GPR162: variants seen among roughly 807,000 people sequenced by gnomAD.
GPR162 encodes G protein-coupled receptor 162.
A neutral mutation model predicts 44.9 loss-of-function variants in GPR162; 26 were observed. That is an observed-to-expected ratio of 0.58 (90% CI 0.42 to 0.80). The LOEUF is 0.80. Ranked by LOEUF, GPR162 falls within the 30% of genes least tolerant of loss-of-function variation. The pLI, the probability that GPR162 is intolerant of heterozygous loss-of-function variation, is 0.00. For synonymous variants in GPR162, 363 were observed against 335.2 expected (o/e 1.08, Z -0.91); for missense variants, 704 against 802.3 (o/e 0.88, Z 1.48).
At position 6,824,657 on chromosome 12, in the gene GPR162, G is replaced by T. The variant is rs782347688; in HGVS notation, c.759G>T (p.Arg253=). 1 of 1,613,904 alleles carries T rather than the reference G, an allele frequency of 6.2e-7. No individual in the cohort carries two copies. Among genetic ancestry groups the T allele is most frequent in the Non-Finnish European group, 8.5e-7 (1 of 1,179,950 alleles). ...TGGTGGAGGATGCCCGAGGGAAGCG[G>T]CGGTCCTCGCTGGATGGCTCGGAGT... is the stretch of plus-strand genomic sequence containing the variant. ...AIVVEDARGK[R]RSSLDGSESA... Residue 253 remains arginine, a synonymous_variant, in exon 2 of 5, where the codon CGG becomes CGT. Transcript: ENST00000311268.
Position 6,823,519 on chromosome 12 carries a change from T to A in GPR162, c.-380T>A. The A allele has an allele frequency of 2.0e-6, 1 of 491,760 alleles. No homozygotes were observed. Among genetic ancestry groups the A allele is most frequent in the Non-Finnish European group, 3.6e-6 (1 of 276,716 alleles). The allele number at this position is 491,760 out of a possible 1,614,324, so 30.5% of individuals were successfully genotyped here. On this transcript the variant is annotated 5_prime_UTR_variant, in exon 2 of 5. Coordinates refer to ENST00000311268, the MANE Select transcript of GPR162 (RefSeq NM_019858.2). ...CCAAATCCCTGGGGCATCCAGAAGA[T>A]TCCTGACTGGTCAAGAACCAGAGGC...
chr12:6,825,884 C>T (rs1943347540), intron 3 of GPR162, among the ~76,000 whole-genome samples: 1 of 152,156 alleles, frequency 6.6e-6, no homozygotes, highest in Non-Finnish European at 1.5e-5. Flanking sequence ...GGCCTAGGCT[C>T]CCCTCCAGAA....
rs1555119561 is a variant in GPR162, at chr12:6,823,918, G to C, written c.20G>C (p.Gly7Ala). The C allele has an allele frequency of 1.3e-6, 2 of 1,560,638 alleles. No homozygotes were observed. Among genetic ancestry groups the C allele is most frequent in the East Asian group, 4.6e-5 (2 of 43,220 alleles). The change falls in exon 2 of 5, where the codon GGG (glycine) becomes GCG (alanine). Residue 7 changes from glycine (G) to alanine (A), a missense_variant. Physicochemically the swap from Gly to Ala is moderately conservative, Grantham distance 60. Coordinates refer to ENST00000311268, the MANE Select transcript of GPR162 (RefSeq NM_019858.2). MARGGA[G>A]AEEASLRSNA... ...GATAGGATGGCTCGGGGCGGGGCGG[G>C]GGCAGAGGAGGCCTCCCTGCGCTCC...
chr12:6,825,620 G>A lies in GPR162; in HGVS notation c.1004G>A (p.Arg335His), dbSNP rs782162794. The change falls in exon 3 of 5, where the codon CGC becomes CAC. Residue 335 changes from arginine (R) to histidine (H), a missense_variant. Physicochemically the swap from Arg to His is conservative, Grantham distance 29. Coordinates refer to ENST00000311268, the MANE Select transcript of GPR162 (RefSeq NM_019858.2). ...WSCERYRADV[R>H]TVWEQCVAIM... The stretch of plus-strand genomic sequence containing the variant: ...TGCGAGCGCTACCGCGCCGACGTGC[G>A]CACAGTGTGGGAGCAATGCGTGGCC... 10 of 1,590,008 alleles carry A rather than the reference G, an allele frequency of 6.3e-6. No homozygotes were observed. Among genetic ancestry groups the A allele is most frequent in the South Asian group, 3.4e-5 (3 of 87,492 alleles).
At chr12:6,825,794 A>T (rs1943346435) in intron 3 of GPR162, 121 bp downstream of exon 3, 1 of 818,506 alleles carries the variant, frequency 1.2e-6, no homozygotes, top group Non-Finnish European at 1.9e-6. Context: ...AATCTGCACC[A>T]CCCTGGGCTC....
chr12:6,827,195 G>A lies in GPR162; in HGVS notation c.1758G>A (p.Leu586=), dbSNP rs782682346. Residue 586 remains leucine (L), a synonymous_variant, in exon 5 of 5, where the codon CTG becomes CTA. Coordinates refer to ENST00000311268, the MANE Select transcript of GPR162 (RefSeq NM_019858.2). ...CAGGCAACCCCATCTTTCCCCAGCT[G>A]ACCCTGTGAGCCCAAGCAGGCCTGC... The part of the protein sequence containing the change: ...WGPGNPIFPQ[L]TL 2 of 1,605,696 alleles carry A rather than the reference G, an allele frequency of 1.2e-6. No individual in the cohort carries two copies. Among genetic ancestry groups the A allele is most frequent in the East Asian group, 2.2e-5 (1 of 44,766 alleles).
At chr12:6,824,927 C>A (rs1555119778) in intron 2 of GPR162, 162 bp downstream of exon 2, 1 of 721,534 alleles carries the variant, frequency 1.4e-6, no homozygotes, top group East Asian at 2.7e-5. Context: ...ATTTGTGGCC[C>A]CCATCTTGAT....
Position 6,824,376 on chromosome 12 carries a change from G to T in GPR162, c.478G>T (p.Gly160Cys). 6.2e-7 allele frequency: 1 copy of T among 1,614,190 alleles called. No homozygotes were observed. The highest frequency in any genetic ancestry group is 8.5e-7 in the Non-Finnish European group (1 of 1,180,044). The change falls in exon 2 of 5, where the codon GGC becomes TGC. Residue 160 changes from glycine to cysteine, a missense_variant. Coordinates refer to ENST00000311268, the MANE Select transcript of GPR162 (RefSeq NM_019858.2). Reference protein sequence around the residue: ...TLPSIGWHNNGERYYARGCQF... With the variant: ...TLPSIGWHNNCERYYARGCQF... ...GCCCTCCATTGGCTGGCACAACAAC[G>T]GCGAGCGCTACTATGCCCGCGGCTG...
Position 6,824,432 on chromosome 12 carries a change from C to T in GPR162, c.534C>T (p.Gly178=). 2 of 1,614,200 alleles carry T rather than the reference C, an allele frequency of 1.2e-6. No homozygotes were observed. Among genetic ancestry groups the T allele is most frequent in the South Asian group, 1.1e-5 (1 of 91,086 alleles). The part of the protein sequence containing the change: ...CQFIVSKIGL[G]FGVCFSLLLL... Reference sequence around the variant, plus strand: ...TCATAGTCTCCAAGATCGGCCTCGGCTTTGGCGTTTGCTTCAGCCTCTTGC... The same window carrying T: ...TCATAGTCTCCAAGATCGGCCTCGGTTTTGGCGTTTGCTTCAGCCTCTTGC... Residue 178 remains glycine, a synonymous_variant, in exon 2 of 5, where the codon GGC becomes GGT. Coordinates refer to ENST00000311268, the MANE Select transcript of GPR162 (RefSeq NM_019858.2).
rs782747091 is a variant in GPR162, at chr12:6,827,050, T to C, written c.1613T>C (p.Leu538Pro). ...PRPLGLSPRR[L>P]SLGSPESRAV... Reference sequence around the variant, plus strand: ...CCACTGGGCCTCTCACCCCGCCGACTCTCCCTTGGGTCCCCTGAGAGCAGA... The same window carrying C: ...CCACTGGGCCTCTCACCCCGCCGACCCTCCCTTGGGTCCCCTGAGAGCAGA... The change falls in exon 5 of 5, where the codon CTC becomes CCC. Residue 538 changes from leucine (L) to proline (P), a missense_variant. Around this residue, in one of 6 missense-constraint regions of GPR162, gnomAD observed 404 missense variants for 314.1 expected, o/e 1.29. Transcript: ENST00000311268. 1.2e-6 allele frequency: 2 copies of C among 1,613,416 alleles called. No individual in the cohort carries two copies. The highest frequency in any genetic ancestry group is 1.7e-6 in the Non-Finnish European group (2 of 1,180,018).
At position 6,827,370 on chromosome 12, in the gene GPR162, C is replaced by T. The variant is rs1444471334; in HGVS notation, c.*166C>T. On this transcript the variant is annotated 3_prime_UTR_variant, in exon 5 of 5. Transcript: ENST00000311268. ...CCAAGTGACCAGATGCCCTACTCAG[C>T]TTCCATCACCCCTAGCAATATGTAT... 2 of 610,556 alleles carry T rather than the reference C, an allele frequency of 3.3e-6. No individual in the cohort carries two copies. Among genetic ancestry groups the T allele is most frequent in the Middle Eastern group, 4.4e-4 (1 of 2,290 alleles). The allele number at this position is 610,556 out of a possible 1,614,324, so 37.8% of individuals were successfully genotyped here.
chr12:6,823,991 T>C lies in GPR162; in HGVS notation c.93T>C (p.Asn31=). ...GTGGGCTCCTGGCGCTGCTGGCCAATGCCTGGATCATCCTCAGCATCTCGG... is the reference window on the plus strand; with the variant it reads ...GTGGGCTCCTGGCGCTGCTGGCCAACGCCTGGATCATCCTCAGCATCTCGG... ...LACGLLALLA[N]AWIILSISAK... The change falls in exon 2 of 5, where the codon AAT becomes AAC. Residue 31 remains asparagine, a synonymous_variant. Coordinates refer to ENST00000311268, the MANE Select transcript of GPR162 (RefSeq NM_019858.2). The C allele has an allele frequency of 6.2e-7, 1 of 1,607,246 alleles. No individual in the cohort carries two copies. The highest frequency in any genetic ancestry group is 2.2e-5 in the East Asian group (1 of 44,828).
In GPR162 at chr12:6,823,639, G is replaced by T; in HGVS notation, c.-260G>T. On this transcript the variant is annotated 5_prime_UTR_variant, in exon 2 of 5. It adds an upstream start codon to the 5' untranslated region. Coordinates refer to ENST00000311268, the MANE Select transcript of GPR162 (RefSeq NM_019858.2). ...CAGCTTGCCTGCCCCATCAATTGCA[G>T]GGATGCTTAAGGAAGGCCCCGCCCA... 2 of 854,580 alleles carry T rather than the reference G, an allele frequency of 2.3e-6. No individual in the cohort carries two copies. The highest frequency in any genetic ancestry group is 2.6e-5 in the East Asian group (1 of 37,862). The allele number at this position is 854,580 out of a possible 1,614,324, so 52.9% of individuals were successfully genotyped here.
intron 2 of GPR162, chr12:6,825,212 C>T (rs1460665844): frequency 1.8e-6 from 1 of 561,670 alleles, no homozygotes; most frequent in Non-Finnish European, 3.2e-6. Context: ...AGTCACTGTT[C>T]CTGGGTTCCT....
rs1555119704 is a variant in GPR162, at chr12:6,824,593, C to A, written c.695C>A (p.Ala232Asp). Reference protein sequence around the residue: ...GGGTKAGGPGALGTRPAFEVP... With the variant: ...GGGTKAGGPGDLGTRPAFEVP... ...GGGACCAAAGCGGGTGGGCCAGGGGCCTTGGGTACCCGGCCAGCTTTTGAG... is the reference window on the plus strand; with the variant it reads ...GGGACCAAAGCGGGTGGGCCAGGGGACTTGGGTACCCGGCCAGCTTTTGAG... The change falls in exon 2 of 5, where the codon GCC becomes GAC. Residue 232 changes from alanine to aspartate, a missense_variant. Physicochemically the swap from Ala to Asp is moderately radical, Grantham distance 126 (BLOSUM62 -2). Around this residue, in one of 6 missense-constraint regions of GPR162, gnomAD observed 56 missense variants for 47.2 expected, o/e 1.19. Transcript: ENST00000311268. 1.9e-6 allele frequency: 3 copies of A among 1,609,390 alleles called. No individual in the cohort carries two copies. The highest frequency in any genetic ancestry group is 8.5e-7 in the Non-Finnish European group (1 of 1,177,474).
In GPR162 at chr12:6,824,911, CA is replaced by C. The variant is rs1555119770; in HGVS notation, c.867+147del. 2.7e-5 allele frequency: 20 copies of C among 741,596 alleles called. No individual in the cohort carries two copies. In the East Asian group the frequency reaches 4.5e-4, roughly 17 times the overall value. The allele number at this position is 741,596 out of a possible 1,614,324, so 45.9% of individuals were successfully genotyped here. A position where few individuals can be genotyped will look rare whatever the true frequency, so the allele number is the denominator to read the frequency against. On this transcript the variant is annotated intron_variant, in intron 2 of 4. Transcript: ENST00000311268. Reference sequence around the variant, plus strand: ...ATCTTCCTCTCCTCTGTCCATCCCCCACTCCATTTGTGGCCCCCATCTTGAT... The same window carrying C: ...ATCTTCCTCTCCTCTGTCCATCCCCCCTCCATTTGTGGCCCCCATCTTGAT...
Position 6,826,930 on chromosome 12 carries a change from C to G in GPR162, c.1493C>G (p.Pro498Arg). 1 of 1,613,412 alleles carries G rather than the reference C, an allele frequency of 6.2e-7. No individual in the cohort carries two copies. Among genetic ancestry groups the G allele is most frequent in the Non-Finnish European group, 8.5e-7 (1 of 1,179,994 alleles). Residue 498 changes from proline to arginine, a missense_variant, in exon 5 of 5, where the codon CCT (proline) becomes CGT (arginine). Physicochemically the swap from Pro to Arg is moderately radical, Grantham distance 103. Coordinates refer to ENST00000311268, the MANE Select transcript of GPR162 (RefSeq NM_019858.2). Reference protein sequence around the residue: ...LGSGGGPPRGPGFFREEITTF... With the variant: ...LGSGGGPPRGRGFFREEITTF... ...TCAGGTGGGGGACCCCCACGGGGTC[C>G]TGGCTTCTTCCGGGAGGAGATCACC...
chr12:6,826,451 CT>C, intron 4 of GPR162, 98 bp downstream of exon 4: 1 of 1,252,988 alleles, frequency 8.0e-7, no homozygotes, highest in Non-Finnish European at 1.1e-6. Context: ...CTAGCCCTGG[CT>C]TTCAGGGCAC....
At chr12:6,825,792 C>A in intron 3 of GPR162, 119 bp downstream of exon 3, 1 of 820,964 alleles carries the variant, frequency 1.2e-6, no homozygotes, top group South Asian at 1.7e-5. Flanking sequence ...AGAATCTGCA[C>A]CACCCTGGGC....
Sources: gnomAD v4.1 joint callset for allele counts (sites outside exome capture counted in the v4.1 genomes callset) on GRCh38, gnomAD v4.1.1 for gene constraint, gnomAD v4.1.1 regional missense constraint, MANE v1.5 for transcripts, NCBI Gene and HGNC (gene_info 2026-07-23, HGNC 2026-07-21) for gene names.